COMMD8: variants seen among roughly 807,000 people sequenced by gnomAD.
The protein encoded by COMMD8 is COMM domain containing 8, also known as COMM domain-containing protein 8.
COMMD8 carries 28 observed loss-of-function variants against 27.2 expected under a neutral mutation model. That is an observed-to-expected ratio of 1.03 (90% CI 0.76 to 1.41). The LOEUF (loss-of-function observed/expected upper bound fraction) is 1.41, where lower values mean the gene tolerates loss of function less well. COMMD8 is among the 40% of genes most tolerant of loss of function. The pLI is 0.00. For missense variants in COMMD8, 217 were observed against 211.2 expected, an observed-to-expected ratio of 1.03 and a Z score of -0.17; for synonymous variants, 79 against 75.5, an observed-to-expected ratio of 1.05 and a Z score of -0.24.
intron 2 of COMMD8, among the ~76,000 whole-genome samples, chr4:47,459,196 A>G (rs1300476738): frequency 6.6e-6 from 1 of 152,150 alleles, no homozygotes; most frequent in Non-Finnish European, 1.5e-5. Flanking sequence ...GATACCATTA[A>G]GAGAGTAAAA....
In COMMD8 at chr4:47,460,303, G is replaced by T. The variant is rs1478015803; in HGVS notation, c.67-4C>A. Reference sequence around the variant, plus strand: ...CATCAATTATTTTGTGAAGAAGCTAGCAAGAAAAAAGGAAATAAATGTACT... The same window carrying T: ...CATCAATTATTTTGTGAAGAAGCTATCAAGAAAAAAGGAAATAAATGTACT... On this transcript the variant is annotated splice_region_variant and splice_polypyrimidine_tract_variant and intron_variant, in intron 1 of 4. Transcript: ENST00000381571. The T allele has an allele frequency of 1.2e-6, 2 of 1,605,480 alleles. No homozygotes were observed. Among genetic ancestry groups the T allele is most frequent in the Middle Eastern group, 3.3e-4 (2 of 6,038 alleles).
intron 3 of COMMD8, among the ~76,000 whole-genome samples, chr4:47,456,267 CATATATATATATAT>C (rs34279197): frequency 0.053 from 6,363 of 118,986 alleles, 205 homozygotes; most frequent in Middle Eastern, 0.17. Flanking sequence ...ATAAATTATA[CATATATATATATAT>C]ATATATATAT....
intron 1 of COMMD8, 22 bp downstream of exon 1, chr4:47,463,564 T>C (rs1434070011): frequency 1.3e-6 from 2 of 1,540,280 alleles, no homozygotes; most frequent in South Asian, 2.4e-5. Flanking sequence ...CCCGCGCCGC[T>C]TCCCCCGGTA....
chr4:47,456,498 T>G lies in COMMD8; in HGVS notation c.375+79A>C, dbSNP rs868680785. The G allele has an allele frequency of 6.0e-6, 6 of 994,916 alleles. No homozygotes were observed. The East Asian group carries it at 2.0e-4, about 33-fold the overall frequency. The allele number at this position is 994,916 out of a possible 1,614,324, so 61.6% of individuals were successfully genotyped here. On this transcript the variant is annotated intron_variant, in intron 3 of 4. Coordinates refer to ENST00000381571, the MANE Select transcript of COMMD8 (RefSeq NM_017845.5). Reference sequence around the variant, plus strand: ...TAATACATTCCCAAAATAACAAATTTTATATATATGATATTATAAAGATAT... The same window carrying G: ...TAATACATTCCCAAAATAACAAATTGTATATATATGATATTATAAAGATAT...
At position 47,454,140 on chromosome 4, in the gene COMMD8, TG is replaced by T. The variant is rs1307367886; in HGVS notation, c.376-927del. ...TTCCAATAAATAGTTTTTCACCCTA[TG>T]CTTGAATACCACCAATGATGATGCA... On this transcript the variant is annotated intron_variant, in intron 3 of 4. Transcript: ENST00000381571. Among the ~76,000 whole-genome samples the T allele has an allele frequency of 3.3e-5, 5 of 152,366 alleles. No homozygotes were observed. In the East Asian group the frequency reaches 9.6e-4, roughly 29 times the overall value.
intron 3 of COMMD8, among the ~76,000 whole-genome samples, chr4:47,454,582 T>G (rs1560389457): frequency 1.3e-5 from 2 of 152,088 alleles, no homozygotes; most frequent in Non-Finnish European, 2.9e-5. Flanking sequence ...GAACTGCAAT[T>G]CTGTCAGGCA....
chr4:47,451,341 G>T lies in COMMD8; in HGVS notation c.*304C>A. ...TACATTACTTTAGAACCTATTTTTA[G>T]CTTTCAATAAAACTATGTATCTCCA... On this transcript the variant is annotated 3_prime_UTR_variant, in exon 5 of 5. Transcript: ENST00000381571. The T allele has an allele frequency of 3.1e-6, 1 of 317,528 alleles. No individual in the cohort carries two copies. Among genetic ancestry groups the T allele is most frequent in the Non-Finnish European group, 5.8e-6 (1 of 173,232 alleles). The allele number at this position is 317,528 out of a possible 1,614,324, so 19.7% of individuals were successfully genotyped here. A position where few individuals can be genotyped will look rare whatever the true frequency, so the allele number is the denominator to read the frequency against.
chr4:47,457,110 AC>A (rs1396277086), intron 2 of COMMD8, among the ~76,000 whole-genome samples: 1 of 152,232 alleles, frequency 6.6e-6, no homozygotes, highest in Admixed American at 6.5e-5. Flanking sequence ...GGGATGCTGC[AC>A]TGGTGAGTAT....
chr4:47,451,768 T>C, intron 4 of COMMD8, 103 bp from the exon 5 acceptor site: 4 of 797,312 alleles, frequency 5.0e-6, no homozygotes, highest in Non-Finnish European at 5.9e-6. Flanking sequence ...CATGGAGAAC[T>C]CATAACAAGC....
Position 47,460,276 on chromosome 4 carries a change from G to A in COMMD8, c.90C>T (p.Gly30=), listed in dbSNP as rs747041372. 1.2e-6 allele frequency: 2 copies of A among 1,610,164 alleles called. No individual in the cohort carries two copies. Among genetic ancestry groups the A allele is most frequent in the South Asian group, 2.2e-5 (2 of 90,016 alleles). Residue 30 remains glycine, a synonymous_variant, in exon 2 of 5, where the codon GGC becomes GGT. Transcript: ENST00000381571. ...GPQLLHKIID[G]ICGRAYPVYQ... ...ACACAGGATAAGCTCGACCACAAAT[G>A]CCATCAATTATTTTGTGAAGAAGCT...
chr4:47,451,596 A>G lies in COMMD8; in HGVS notation c.*49T>C, dbSNP rs373147923. Reference sequence around the variant, plus strand: ...GAACACGCAGTATTCACTCTGCCATATAAGTTGGAGCAATAAAATCTGATA... The same window carrying G: ...GAACACGCAGTATTCACTCTGCCATGTAAGTTGGAGCAATAAAATCTGATA... On this transcript the variant is annotated 3_prime_UTR_variant, in exon 5 of 5. Coordinates refer to ENST00000381571, the MANE Select transcript of COMMD8 (RefSeq NM_017845.5). 26 of 1,487,796 alleles carry G rather than the reference A, an allele frequency of 1.7e-5. No individual in the cohort carries two copies. Among genetic ancestry groups the G allele is most frequent in the South Asian group, 3.4e-5 (3 of 87,542 alleles). The allele number at this position is 1,487,796 out of a possible 1,614,324, so 92.2% of individuals were successfully genotyped here.
intron 2 of COMMD8, among the ~76,000 whole-genome samples, chr4:47,457,706 T>A (rs1357484267): frequency 6.6e-6 from 1 of 151,872 alleles, no homozygotes; most frequent in Non-Finnish European, 1.5e-5. Context: ...TGTGTGAAAA[T>A]TAAGTAGCAC....
At chr4:47,458,712 C>T (rs1164905295) in intron 2 of COMMD8, among the ~76,000 whole-genome samples, 1 of 151,996 alleles carries the variant, frequency 6.6e-6, no homozygotes, top group Non-Finnish European at 1.5e-5. Context: ...CCAAGGCACT[C>T]CTGAAGAAGC....
In COMMD8 at chr4:47,463,697, T is replaced by G. The variant is rs892927025; in HGVS notation, c.-46A>C. The G allele has an allele frequency of 3.6e-5, 54 of 1,515,380 alleles. No individual in the cohort carries two copies. The highest frequency in any genetic ancestry group is 8.6e-5 in the South Asian group (7 of 81,338). The allele number at this position is 1,515,380 out of a possible 1,614,324, so 93.9% of individuals were successfully genotyped here. The stretch of plus-strand genomic sequence containing the variant: ...TGGGTCACGTGTCAAGGCTGGCCGC[T>G]TGTCTAAAGCTACGACTCGCCCACG... On this transcript the variant is annotated 5_prime_UTR_variant, in exon 1 of 5. Coordinates refer to ENST00000381571, the MANE Select transcript of COMMD8 (RefSeq NM_017845.5).
At chr4:47,457,879 T>TC (rs1360006518) in intron 2 of COMMD8, among the ~76,000 whole-genome samples, 2 of 148,844 alleles carry the variant, frequency 1.3e-5, no homozygotes, top group African/African-American at 2.5e-5. Context: ...ATCACTCAAA[T>TC]ATAGATGTAA....
rs1379305360 is a variant in COMMD8 at position 47,463,637 on chromosome 4, C to G, written c.15G>C (p.Glu5Asp). 1.9e-6 allele frequency: 3 copies of G among 1,549,142 alleles called. No individual in the cohort carries two copies. Among genetic ancestry groups the G allele is most frequent in the South Asian group, 1.2e-5 (1 of 83,914 alleles). The change falls in exon 1 of 5, where the codon GAG becomes GAC. Residue 5 changes from glutamate (E) to aspartate (D), a missense_variant. Transcript: ENST00000381571. MEPE[E>D]GTPLWRLQKL... ...TCTGCAGCCGCCACAAGGGCGTCCC[C>G]TCTTCCGGCTCCATCCCTGCGCGAA...
intron 3 of COMMD8, among the ~76,000 whole-genome samples, chr4:47,455,124 G>A (rs1472948970): frequency 4.6e-5 from 7 of 151,654 alleles, no homozygotes; most frequent in African/African-American, 9.7e-5. Flanking sequence ...AGCAATTCTC[G>A]TGCCTCAGCC....
chr4:47,452,778 T>C (rs560809430), intron 4 of COMMD8, among the ~76,000 whole-genome samples: 15 of 152,164 alleles, frequency 9.9e-5, no homozygotes, highest in Non-Finnish European at 1.5e-4. Flanking sequence ...AGTAGATCAC[T>C]TGAGGTCAAG....
At chr4:47,458,406 T>C (rs1729942947) in intron 2 of COMMD8, among the ~76,000 whole-genome samples, 2 of 152,070 alleles carry the variant, frequency 1.3e-5, no homozygotes, top group Non-Finnish European at 2.9e-5. Context: ...ACAAGGTATA[T>C]AAAAATCAAC....
Sources: allele counts gnomAD v4.1 joint callset (sites outside exome capture counted in the v4.1 genomes callset), GRCh38; gene constraint gnomAD v4.1.1; transcripts MANE v1.5; gene names NCBI Gene and HGNC (gene_info 2026-07-23, HGNC 2026-07-21).